MYLK: variants seen among roughly 807,000 people sequenced by gnomAD.
The protein encoded by MYLK is myosin light chain kinase, smooth muscle.
MYLK carries 106 observed loss-of-function variants against 203.4 expected under a neutral mutation model. The observed-to-expected ratio is 0.52, with a 90% CI of 0.45 to 0.61. The LOEUF (loss-of-function observed/expected upper bound fraction) is 0.61, where lower values mean the gene tolerates loss of function less well. Ranked by LOEUF, MYLK falls within the 20% of genes least tolerant of loss-of-function variation. The pLI, the probability that MYLK is intolerant of heterozygous loss-of-function variation, is 0.00. For synonymous variants in MYLK, 867 were observed against 959.5 expected (o/e 0.90, Z 1.78); for missense variants, 2,072 against 2,442.3 (o/e 0.85, Z 3.20).
At chr3:123,809,619 A>G (rs1221109461) in intron 3 of MYLK, among the ~76,000 whole-genome samples, 1 of 152,244 alleles carries the variant, frequency 6.6e-6, no homozygotes, top group Admixed American at 6.5e-5. Context: ...CAGCACCTGC[A>G]GAGCCACTCG....
chr3:123,734,029 C>A lies in MYLK; in HGVS notation c.967G>T (p.Glu323Ter). The A allele has an allele frequency of 6.2e-7, 1 of 1,614,210 alleles. No individual in the cohort carries two copies. The highest frequency in any genetic ancestry group is 8.5e-7 in the Non-Finnish European group (1 of 1,180,034). Residue 323 changes from glutamate (E) to a stop codon, truncating the protein, a stop_gained, in exon 10 of 34, where the codon GAG becomes TAG. Transcript: ENST00000360304. LOFTEE classifies it high-confidence loss of function. The stretch of plus-strand genomic sequence containing the variant: ...GTTCTGGGCGAGTCCTTGCATGACT[C>A]CAGCTTGGACTCCCTTGGGGGCTGA... ...QPQPPRESKL[E>*]SCKDSPRTAP... is the part of the protein sequence containing the mutation.
intron 2 of MYLK, among the ~76,000 whole-genome samples, chr3:123,835,314 G>A (rs72972367): frequency 6.6e-6 from 1 of 152,132 alleles, no homozygotes; most frequent in Non-Finnish European, 1.5e-5. Context: ...GTTCAATATG[G>A]CAATCAGTCA....
At chr3:123,632,561 C>T (rs2058479753) in intron 29 of MYLK, among the ~76,000 whole-genome samples, 1 of 152,140 alleles carries the variant, frequency 6.6e-6, no homozygotes, top group East Asian at 1.9e-4. Flanking sequence ...GCAGCCTATC[C>T]ATCTGAAATA....
intron 27 of MYLK, among the ~76,000 whole-genome samples, chr3:123,641,408 C>T (rs966589356): frequency 1.3e-5 from 2 of 152,086 alleles, no homozygotes; most frequent in African/African-American, 4.8e-5. Flanking sequence ...ACCCAGATAT[C>T]AGTAAGCTTG....
chr3:123,880,510 T>A (rs2033462647), intron 1 of MYLK, among the ~76,000 whole-genome samples: 1 of 152,006 alleles, frequency 6.6e-6, no homozygotes, highest in African/African-American at 2.4e-5. Context: ...AAGGAAATCC[T>A]CTCCTCATCC....
intron 20 of MYLK, among the ~76,000 whole-genome samples, chr3:123,675,389 G>T (rs1178428775): frequency 6.6e-6 from 1 of 152,196 alleles, no homozygotes; most frequent in Non-Finnish European, 1.5e-5. Context: ...AAAAAAGGAG[G>T]TCAGTAACCC....
intron 29 of MYLK, among the ~76,000 whole-genome samples, chr3:123,631,994 C>G (rs964202295): frequency 1.3e-5 from 2 of 151,942 alleles, no homozygotes; most frequent in Non-Finnish European, 2.9e-5. Flanking sequence ...CTCAGCCTCC[C>G]GAGTAGCTGG....
intron 20 of MYLK, among the ~76,000 whole-genome samples, chr3:123,679,598 A>G (rs939432929): frequency 6.6e-6 from 1 of 152,144 alleles, no homozygotes; most frequent in African/African-American, 2.4e-5. Flanking sequence ...GTGTAGAGAC[A>G]CACACTCCCA....
At chr3:123,780,896 T>A (rs934179044) in intron 4 of MYLK, among the ~76,000 whole-genome samples, 1 of 151,824 alleles carries the variant, frequency 6.6e-6, no homozygotes, top group African/African-American at 2.4e-5. Context: ...AACCAGAACA[T>A]AAAGCCAAAG....
At position 123,613,820 on chromosome 3, in the gene MYLK, GTTACTTTC is replaced by G. The variant is rs2057315782; in HGVS notation, c.*277_*284del. ...TTTGCCCAGATAAATATTTGGTTTG[GTTACTTTC>G]TCTCTAAAATCAATTGGTCAGTCAA... On this transcript the variant is annotated 3_prime_UTR_variant, in exon 34 of 34. Transcript: ENST00000360304. The G allele has an allele frequency of 2.3e-6, 1 of 427,626 alleles. No individual in the cohort carries two copies. The allele number at this position is 427,626 out of a possible 1,614,324, so 26.5% of individuals were successfully genotyped here. A position where few individuals can be genotyped will look rare whatever the true frequency, so the allele number is the denominator to read the frequency against.
At position 123,705,382 on chromosome 3, in the gene MYLK, G is replaced by A. The variant is rs563039038; in HGVS notation, c.2390+2372C>T. 5.5e-4 allele frequency among the ~76,000 whole-genome samples: 84 copies of A among 152,358 alleles called. No homozygotes were observed. In the South Asian group the frequency reaches 0.016, roughly 29 times the overall value. Reference sequence around the variant, plus strand: ...CAAAGGCTGCAGGCTGGAGGCTCCAGTGTGGTTTCCCAGGTCCTTCCAGTT... The same window carrying A: ...CAAAGGCTGCAGGCTGGAGGCTCCAATGTGGTTTCCCAGGTCCTTCCAGTT... On this transcript the variant is annotated intron_variant, in intron 16 of 33. Transcript: ENST00000360304.
At chr3:123,634,714 C>T (rs942070113) in intron 29 of MYLK, among the ~76,000 whole-genome samples, 8 of 152,062 alleles carry the variant, frequency 5.3e-5, no homozygotes, top group Admixed American at 1.3e-4. Context: ...GGGAAGGGCT[C>T]GGAGAAGAGC....
Position 123,752,528 on chromosome 3 carries a change from T to C in MYLK, c.176A>G (p.Tyr59Cys). Residue 59 changes from tyrosine to cysteine, a missense_variant, in exon 5 of 34, where the codon TAC becomes TGC. This residue lies in a region of MYLK where 683 missense variants were observed against 643.8 expected (regional missense o/e 1.06). Coordinates refer to ENST00000360304, the MANE Select transcript of MYLK (RefSeq NM_053025.4). ...TAKFEGRVRG[Y>C]PEPQVTWHRN... ...GTGCCATGTCACCTGGGGCTCTGGGTAACCCCGGACCTTCAAGAAAAAGAA... is the reference window on the plus strand; with the variant it reads ...GTGCCATGTCACCTGGGGCTCTGGGCAACCCCGGACCTTCAAGAAAAAGAA... 1 of 1,613,432 alleles carries C rather than the reference T, an allele frequency of 6.2e-7. No homozygotes were observed. The highest frequency in any genetic ancestry group is 8.5e-7 in the Non-Finnish European group (1 of 1,179,902).
intron 4 of MYLK, among the ~76,000 whole-genome samples, chr3:123,757,691 T>C (rs1450336354): frequency 6.6e-6 from 1 of 152,140 alleles, no homozygotes; most frequent in Admixed American, 6.5e-5. Flanking sequence ...CCACTGAGTA[T>C]TTACTTGATT....
At chr3:123,875,390 A>T (rs1457060139) in intron 2 of MYLK, among the ~76,000 whole-genome samples, 1 of 152,194 alleles carries the variant, frequency 6.6e-6, no homozygotes, top group African/African-American at 2.4e-5. Flanking sequence ...CCATGACTCC[A>T]TTTATATGAC....
At chr3:123,814,303 C>G (rs2065666248) in intron 3 of MYLK, 1 of 162,590 alleles carries the variant, frequency 6.2e-6, no homozygotes, top group South Asian at 1.5e-4. Flanking sequence ...GTCCAGGAAC[C>G]TGTTATTTCA....
intron 4 of MYLK, among the ~76,000 whole-genome samples, chr3:123,787,636 T>C (rs9829209): frequency 0.08 from 12,175 of 152,160 alleles, 1,592 homozygotes; most frequent in African/African-American, 0.27. Flanking sequence ...GACTTAGGTC[T>C]ATTAAAACTG....
At position 123,692,763 on chromosome 3, in the gene MYLK, C is replaced by T. The variant is rs375256466; in HGVS notation, c.3537G>A (p.Ala1179=). Residue 1179 remains alanine (A), a synonymous_variant, in exon 19 of 34, where the codon GCG becomes GCA. Coordinates refer to ENST00000360304, the MANE Select transcript of MYLK (RefSeq NM_053025.4). ...CCACGGTGACTTGGCAGGAGCACTC[C>T]GCCTGGCCAGCGTCATTCTTGGCTA... ...KCVAKNDAGQ[A]ECSCQVTVDD... is the part of the protein sequence containing the mutation. The T allele has an allele frequency of 4.4e-5, 71 of 1,613,798 alleles. 1 individual carries two copies. The highest frequency in any genetic ancestry group is 3.8e-4 in the South Asian group (35 of 91,048).
At chr3:123,785,203 C>T (rs1048579846) in intron 4 of MYLK, among the ~76,000 whole-genome samples, 4 of 152,164 alleles carry the variant, frequency 2.6e-5, no homozygotes, top group Admixed American at 6.5e-5. Context: ...ACGTTTTTAG[C>T]GCAGCTATGA....
Sources: gnomAD v4.1 joint callset for allele counts (sites outside exome capture counted in the v4.1 genomes callset) on GRCh38, gnomAD v4.1.1 for gene constraint, gnomAD v4.1.1 regional missense constraint, MANE v1.5 for transcripts, NCBI Gene and HGNC (gene_info 2026-07-23, HGNC 2026-07-21) for gene names.